LTBP1: variants seen among roughly 807,000 people sequenced by gnomAD.
LTBP1 encodes latent transforming growth factor beta binding protein 1.
LTBP1 carries 129 observed loss-of-function variants against 207.6 expected under a neutral mutation model. That is an observed-to-expected ratio of 0.62 (90% CI 0.54 to 0.72). The LOEUF (loss-of-function observed/expected upper bound fraction) is 0.72, where lower values mean the gene tolerates loss of function less well. Ranked by LOEUF, LTBP1 falls within the 30% of genes least tolerant of loss-of-function variation. The pLI is 0.00. For synonymous variants in LTBP1, 963 were observed against 833.7 expected, an observed-to-expected ratio of 1.16 and a Z score of -2.67; for missense variants, 2,281 against 2,217.2, an observed-to-expected ratio of 1.03 and a Z score of -0.58.
Position 33,347,467 on chromosome 2 carries a change from G to A in LTBP1, c.3957G>A (p.Glu1319=), listed in dbSNP as rs1266932036. 7.4e-6 allele frequency: 12 copies of A among 1,614,064 alleles called. No homozygotes were observed. The Admixed American group carries it at 2.0e-4, about 27-fold the overall frequency. The change falls in exon 26 of 34, where the codon GAG becomes GAA. Residue 1319 remains glutamate, a synonymous_variant. Transcript: ENST00000404816. ...FLCVCADENQ[E]YSPMTGQCRS... ...GCGTGTGTGCTGATGAAAACCAAGAGTACAGCCCCATGACTGGGCAGTGCC... is the reference window on the plus strand; with the variant it reads ...GCGTGTGTGCTGATGAAAACCAAGAATACAGCCCCATGACTGGGCAGTGCC...
intron 5 of LTBP1, among the ~76,000 whole-genome samples, chr2:33,156,903 T>C (rs78985633): frequency 0.015 from 2,293 of 152,342 alleles, 23 homozygotes; most frequent in East Asian, 0.027. Context: ...TGTATATATA[T>C]TTAATGAATT....
intron 12 of LTBP1, 63 bp from the exon 13 acceptor site, chr2:33,259,525 T>G (rs2092954322): frequency 8.6e-7 from 1 of 1,168,608 alleles, no homozygotes; most frequent in Non-Finnish European, 1.2e-6. Context: ...TTTTAAGAAT[T>G]GAAATATAAT....
chr2:33,200,279 T>G (rs1406971657), intron 7 of LTBP1, among the ~76,000 whole-genome samples: 1 of 152,100 alleles, frequency 6.6e-6, no homozygotes, highest in African/African-American at 2.4e-5. Flanking sequence ...AAAACAGAGA[T>G]ATAAATCAAT....
At chr2:33,171,458 A>G (rs530008762) in intron 5 of LTBP1, among the ~76,000 whole-genome samples, 124 of 150,314 alleles carry the variant, frequency 8.2e-4, no homozygotes, top group African/African-American at 3.0e-3. Context: ...AGTTTAGAGA[A>G]AAAGAATAAA....
chr2:33,188,597 G>A lies in LTBP1; in HGVS notation c.1447G>A (p.Val483Ile), dbSNP rs1368213160. The part of the protein sequence containing the change: ...GVKVKFPPNI[V>I]NIHVKHPPEA... ...TGTAGTGAAATTTCCTCCTAACATA[G>A]TCAATATCCATGTGAAACATCCTCC... The change falls in exon 7 of 34, where the codon GTC becomes ATC. Residue 483 changes from valine (V) to isoleucine (I), a missense_variant. Physicochemically the swap from Val to Ile is conservative, Grantham distance 29 (BLOSUM62 3). Transcript: ENST00000404816. The A allele has an allele frequency of 1.2e-6, 2 of 1,613,196 alleles. No individual in the cohort carries two copies. The highest frequency in any genetic ancestry group is 4.5e-5 in the East Asian group (2 of 44,886).
At chr2:33,393,333 GCACAA>G (rs1309014022) in intron 32 of LTBP1, among the ~76,000 whole-genome samples, 1 of 141,934 alleles carries the variant, frequency 7.0e-6, no homozygotes, top group Non-Finnish European at 1.5e-5. Context: ...GGGTACATGT[GCACAA>G]CGTGCAGTTT....
intron 9 of LTBP1, among the ~76,000 whole-genome samples, chr2:33,237,438 C>A (rs562907420): frequency 1.3e-5 from 2 of 152,208 alleles, no homozygotes; most frequent in South Asian, 4.1e-4. Context: ...TTTTCTTAAT[C>A]TCCTAGAATA....
chr2:33,110,825 G>A (rs1038503175), intron 4 of LTBP1, 74 bp downstream of exon 4: 23 of 1,330,142 alleles, frequency 1.7e-5, no homozygotes, highest in African/African-American at 1.0e-4. Context: ...CAGTGTAGAC[G>A]GCTTTAATGT....
chr2:33,364,503 G>T (rs570187850), intron 30 of LTBP1, 147 bp downstream of exon 30: 11 of 774,666 alleles, frequency 1.4e-5, no homozygotes, highest in East Asian at 2.7e-5. Context: ...GATACTTACA[G>T]AAATAGTAAT....
At chr2:33,280,213 C>T (rs1338535483) in intron 19 of LTBP1, 55 bp downstream of exon 19, 1 of 1,553,860 alleles carries the variant, frequency 6.4e-7, no homozygotes, top group African/African-American at 1.4e-5. Context: ...GGCCCATTTT[C>T]TGATAGAGTG....
intron 2 of LTBP1, among the ~76,000 whole-genome samples, chr2:32,973,005 G>A (rs543158796): frequency 6.6e-6 from 1 of 152,254 alleles, no homozygotes; most frequent in Non-Finnish European, 1.5e-5. Flanking sequence ...GTCCAAGGGT[G>A]GTTGGTATTA....
chr2:33,237,572 T>G (rs1351750871), intron 9 of LTBP1, among the ~76,000 whole-genome samples: 1 of 152,234 alleles, frequency 6.6e-6, no homozygotes, highest in Non-Finnish European at 1.5e-5. Flanking sequence ...TTAAATAATT[T>G]CATCAAAACT....
At chr2:33,139,016 G>A (rs4464254) in intron 5 of LTBP1, among the ~76,000 whole-genome samples, 31,943 of 150,228 alleles carry the variant, frequency 0.21, 3,692 homozygotes, top group East Asian at 0.31. Context: ...CCGCTACCAC[G>A]CCCGGCTAAT....
At chr2:33,384,647 A>G (rs1285424936) in intron 31 of LTBP1, among the ~76,000 whole-genome samples, 1 of 152,230 alleles carries the variant, frequency 6.6e-6, no homozygotes, top group African/African-American at 2.4e-5. Flanking sequence ...CTAAGGACAG[A>G]AAATGTGTTC....
intron 4 of LTBP1, among the ~76,000 whole-genome samples, chr2:33,114,048 G>C (rs2080578053): frequency 6.6e-6 from 1 of 152,124 alleles, no homozygotes; most frequent in African/African-American, 2.4e-5. Context: ...CACCATGTTG[G>C]CCAGGCTAGT....
intron 2 of LTBP1, among the ~76,000 whole-genome samples, chr2:33,009,876 A>T (rs1453470044): frequency 6.6e-6 from 1 of 152,234 alleles, no homozygotes; most frequent in Non-Finnish European, 1.5e-5. Context: ...ACATGGAGGC[A>T]TCGATGAGAC....
intron 5 of LTBP1, among the ~76,000 whole-genome samples, chr2:33,163,530 CAT>C (rs778615337): frequency 5.1e-4 from 77 of 152,218 alleles, no homozygotes; most frequent in African/African-American, 8.7e-4. Flanking sequence ...AGGATAAAAA[CAT>C]GTGATTATTA....
At chr2:33,308,802 T>C (rs1179196796) in intron 22 of LTBP1, among the ~76,000 whole-genome samples, 1 of 152,192 alleles carries the variant, frequency 6.6e-6, no homozygotes, top group African/African-American at 2.4e-5. Flanking sequence ...AACTTTTAAA[T>C]TTTTTTCTAT....
intron 2 of LTBP1, among the ~76,000 whole-genome samples, chr2:32,992,296 C>G (rs1435810478): frequency 1.3e-5 from 2 of 152,092 alleles, no homozygotes; most frequent in African/African-American, 2.4e-5. Flanking sequence ...AGAGTGATAT[C>G]AAACTCAGCT....
Sources: gnomAD v4.1 joint callset for allele counts (sites outside exome capture counted in the v4.1 genomes callset) on GRCh38, gnomAD v4.1.1 for gene constraint, MANE v1.5 for transcripts, NCBI Gene and HGNC (gene_info 2026-07-23, HGNC 2026-07-21) for gene names.